Variants in PPIG observed in about 807,000 individuals in gnomAD.
The protein encoded by PPIG is peptidylprolyl isomerase G, also known as peptidyl-prolyl cis-trans isomerase G.
A neutral mutation model predicts 87.9 loss-of-function variants in PPIG; 26 were observed. That is an observed-to-expected ratio of 0.30 (90% confidence interval 0.22 to 0.41). The LOEUF (loss-of-function observed/expected upper bound fraction) is 0.41. Among genes scored for constraint, PPIG ranks in the 10% least tolerant of loss-of-function variants. PPIG has a pLI of 1.00. For missense variants in PPIG, 722 were observed against 879.4 expected (o/e 0.82, Z 2.26); for synonymous variants, 308 against 276.5 (o/e 1.11, Z -1.13).
chr2:169,585,169 A>T (rs1684662882), intron 1 of PPIG, among the ~76,000 whole-genome samples: 1 of 152,126 alleles, frequency 6.6e-6, no homozygotes, highest in African/African-American at 2.4e-5. Context: ...TGAGCTGCGC[A>T]GGCCTTTTAG....
chr2:169,625,920 T>G (rs1685868964), intron 9 of PPIG, among the ~76,000 whole-genome samples: 1 of 152,132 alleles, frequency 6.6e-6, no homozygotes, highest in Non-Finnish European at 1.5e-5. Context: ...GGGTTTGTGC[T>G]CCTCTGAAAA....
chr2:169,639,309 T>C lies in PPIG; in HGVS notation c.*1786T>C, dbSNP rs1281526285. 6.6e-6 allele frequency: 1 copy of C among 152,054 alleles called. No homozygotes were observed. The highest frequency in any genetic ancestry group is 1.5e-5 in the Non-Finnish European group (1 of 67,938). 9.4% of individuals were successfully genotyped at this position (152,054 alleles called of 1,614,324 possible). A position where few individuals can be genotyped will look rare whatever the true frequency, so the allele number is the denominator to read the frequency against. ...TATAACGTTATGTAGTTTAAGCAAG[T>C]TATTGTTTGTCTTAATTTCAGTTAA... On this transcript the variant is annotated 3_prime_UTR_variant, in exon 14 of 14. Transcript: ENST00000260970.
intron 1 of PPIG, among the ~76,000 whole-genome samples, chr2:169,588,625 TTTTTC>T (rs1201497498): frequency 1.3e-5 from 2 of 152,158 alleles, no homozygotes; most frequent in South Asian, 2.1e-4. Flanking sequence ...GGGTAAATCT[TTTTTC>T]TTTTTTGTTT....
chr2:169,625,464 C>G (rs1021492602), intron 9 of PPIG, among the ~76,000 whole-genome samples: 4 of 152,082 alleles, frequency 2.6e-5, no homozygotes, highest in Non-Finnish European at 5.9e-5. Flanking sequence ...TGCCCTACAC[C>G]CTGTATAAAA....
chr2:169,605,188 G>A (rs924386542), intron 4 of PPIG, among the ~76,000 whole-genome samples: 2 of 152,110 alleles, frequency 1.3e-5, no homozygotes, highest in East Asian at 1.9e-4. Flanking sequence ...ATAAAAATTA[G>A]CCAGGCGTGG....
At chr2:169,625,167 A>G (rs1366122301) in intron 9 of PPIG, among the ~76,000 whole-genome samples, 2 of 152,230 alleles carry the variant, frequency 1.3e-5, no homozygotes, top group East Asian at 1.9e-4. Flanking sequence ...TCACCATGCT[A>G]TGAAAATAGA....
At chr2:169,622,573 A>G (rs1227764297) in intron 9 of PPIG, among the ~76,000 whole-genome samples, 2 of 152,188 alleles carry the variant, frequency 1.3e-5, no homozygotes, top group African/African-American at 4.8e-5. Flanking sequence ...AGTTTCAGCA[A>G]TCTGAGATTT....
chr2:169,596,764 A>G (rs1196745340), intron 1 of PPIG, among the ~76,000 whole-genome samples: 2 of 151,948 alleles, frequency 1.3e-5, no homozygotes, highest in Admixed American at 6.6e-5. Flanking sequence ...TTGTGGCGCA[A>G]TCTCAGCTCA....
chr2:169,631,198 A>C (rs1263927197), intron 10 of PPIG, among the ~76,000 whole-genome samples: 1 of 152,040 alleles, frequency 6.6e-6, no homozygotes, highest in Non-Finnish European at 1.5e-5. Flanking sequence ...TTTTTTGTGT[A>C]CTCAATGAAA....
intron 1 of PPIG, among the ~76,000 whole-genome samples, chr2:169,589,652 G>T (rs924407253): frequency 5.9e-5 from 9 of 151,630 alleles, no homozygotes; most frequent in Non-Finnish European, 1.0e-4. Flanking sequence ...TGGTTTTGGG[G>T]TTTTTTTGGG....
intron 1 of PPIG, among the ~76,000 whole-genome samples, chr2:169,585,103 A>T (rs1047436262): frequency 4.6e-5 from 7 of 151,710 alleles, no homozygotes; most frequent in Non-Finnish European, 5.9e-5. Context: ...TTTTTCTAAA[A>T]CTCAAGTCCA....
intron 1 of PPIG, among the ~76,000 whole-genome samples, chr2:169,594,230 G>T (rs1356863942): frequency 6.7e-6 from 1 of 149,900 alleles, no homozygotes; most frequent in Admixed American, 6.7e-5. Flanking sequence ...TTTCAAAGGA[G>T]TTGTATATGA....
intron 1 of PPIG, among the ~76,000 whole-genome samples, chr2:169,588,050 A>C (rs545157806): frequency 6.6e-6 from 1 of 152,268 alleles, no homozygotes; most frequent in African/African-American, 2.4e-5. Context: ...CTGTAATCCC[A>C]ACTACTCGGG....
Position 169,637,532 on chromosome 2 carries a change from T to TA in PPIG, c.*10dup. 1 of 1,545,276 alleles carries TA rather than the reference T, an allele frequency of 6.5e-7. No homozygotes were observed. The highest frequency in any genetic ancestry group is 8.7e-7 in the Non-Finnish European group (1 of 1,154,696). On this transcript the variant is annotated 3_prime_UTR_variant, in exon 14 of 14. Transcript: ENST00000260970. ...AAGACAAAAGCGGATGAGTGAGTTA[T>TA]ATAAACTTACTTCCATTCTGTTTCG...
rs71006009 is a variant in PPIG at position 169,606,591 on chromosome 2, C to CAAAAAAAAAAAAAAAA, written c.244+447_244+462dup. Among the ~76,000 whole-genome samples the CAAAAAAAAAAAAAAAA allele has an allele frequency of 4.2e-4, 36 of 84,998 alleles. 1 individual carries two copies. The highest frequency in any genetic ancestry group is 1.1e-3 in the African/African-American group (20 of 18,296). 55.8% of individuals were successfully genotyped at this position (84,998 alleles called of 152,430 possible). The stretch of plus-strand genomic sequence containing the variant: ...TGAATGACAGAGCAAGACTCTGTCT[C>CAAAAAAAAAAAAAAAA]AAAAAAAAAAAAAAAAAGAAGGAAG... On this transcript the variant is annotated intron_variant, in intron 5 of 13. Coordinates refer to ENST00000260970, the MANE Select transcript of PPIG (RefSeq NM_004792.3).
In PPIG at chr2:169,630,883, C is replaced by T. The variant is rs754434869; in HGVS notation, c.657C>T (p.Ser219=). The part of the protein sequence containing the change: ...DSQSSSDSSD[S]ESATEEKSKK... ...AGTCCTCTTCTGATTCCTCTGATTC[C>T]GAAAGTGCTACTGAAGAGAAATCAA... is the stretch of plus-strand genomic sequence containing the variant. The change falls in exon 10 of 14, where the codon TCC becomes TCT. Residue 219 remains serine, a synonymous_variant. Transcript: ENST00000260970. The T allele has an allele frequency of 1.3e-5, 21 of 1,611,462 alleles. No homozygotes were observed. Among genetic ancestry groups the T allele is most frequent in the Admixed American group, 1.2e-4 (7 of 59,706 alleles).
chr2:169,593,754 CCATTCTCCTGCCT>C (rs1327012602), intron 1 of PPIG, among the ~76,000 whole-genome samples: 4 of 149,892 alleles, frequency 2.7e-5, no homozygotes, highest in African/African-American at 9.8e-5. Context: ...CAGGTTCACG[CCATTCTCCTGCCT>C]CAGCCTCCAG....
intron 1 of PPIG, among the ~76,000 whole-genome samples, chr2:169,593,591 G>A (rs1251282779): frequency 1.3e-5 from 2 of 151,392 alleles, no homozygotes; most frequent in African/African-American, 4.9e-5. Flanking sequence ...CTTTGCCTGA[G>A]CTTGAAGGTC....
rs751313567 is a variant in PPIG at position 169,606,021 on chromosome 2, AT to A, written c.137-11del. 2 of 1,553,080 alleles carry A rather than the reference AT, an allele frequency of 1.3e-6. No homozygotes were observed. The highest frequency in any genetic ancestry group is 1.8e-6 in the Non-Finnish European group (2 of 1,129,640). ...TGATTTCCTTTCTATTAAATGTCCTATTTTTTTATCTCTATAGGTGAAAAGG... is the reference window on the plus strand; with the variant it reads ...TGATTTCCTTTCTATTAAATGTCCTATTTTTTATCTCTATAGGTGAAAAGG... On this transcript the variant is annotated splice_polypyrimidine_tract_variant and intron_variant, in intron 4 of 13. Coordinates refer to ENST00000260970, the MANE Select transcript of PPIG (RefSeq NM_004792.3).
Sources: allele counts gnomAD v4.1 joint callset (sites outside exome capture counted in the v4.1 genomes callset), GRCh38; gene constraint gnomAD v4.1.1; transcripts MANE v1.5; gene names NCBI Gene and HGNC (gene_info 2026-07-23, HGNC 2026-07-21).